RBMS3: variants seen among roughly 807,000 people sequenced by gnomAD.
RBMS3 encodes the protein RNA-binding motif, single-stranded-interacting protein 3.
A neutral mutation model predicts 66.8 loss-of-function variants in RBMS3; 27 were observed. The ratio of observed to expected loss-of-function variants is 0.40; its 90% CI spans 0.30 to 0.56. RBMS3 has a LOEUF of 0.56. RBMS3 is among the 20% of genes least tolerant of loss of function. The pLI, the probability that RBMS3 is intolerant of heterozygous loss-of-function variation, is 0.40. For missense variants in RBMS3, 513 were observed against 549.5 expected, an observed-to-expected ratio of 0.93 and a Z score of 0.66; for synonymous variants, 188 against 183.0, an observed-to-expected ratio of 1.03 and a Z score of -0.22.
At chr3:29,578,501 G>A (rs1397147955) in intron 3 of RBMS3, among the ~76,000 whole-genome samples, 1 of 152,062 alleles carries the variant, frequency 6.6e-6, no homozygotes, top group Non-Finnish European at 1.5e-5. Context: ...CAGTATTTGA[G>A]GATATTTATT....
intron 4 of RBMS3, among the ~76,000 whole-genome samples, chr3:29,621,906 G>C (rs2048879782): frequency 6.6e-6 from 1 of 152,170 alleles, no homozygotes; most frequent in African/African-American, 2.4e-5. Flanking sequence ...GCCTAATCTA[G>C]TCTTCGCTTT....
At chr3:29,660,557 T>C (rs1672681890) in intron 4 of RBMS3, among the ~76,000 whole-genome samples, 1 of 152,174 alleles carries the variant, frequency 6.6e-6, no homozygotes, top group South Asian at 2.1e-4. Context: ...ATTTTGCTAT[T>C]TGATTTCTAT....
chr3:29,541,992 A>C (rs1426757889), intron 3 of RBMS3, among the ~76,000 whole-genome samples: 2 of 151,962 alleles, frequency 1.3e-5, no homozygotes, highest in African/African-American at 4.8e-5. Flanking sequence ...TCCATTTCTC[A>C]CTATCTTTTT....
At chr3:29,522,224 A>G (rs1036703835) in intron 3 of RBMS3, among the ~76,000 whole-genome samples, 3 of 151,832 alleles carry the variant, frequency 2.0e-5, no homozygotes, top group Admixed American at 1.3e-4. Context: ...ACAGAGTCTT[A>G]CTCTGTCACT....
At chr3:29,556,323 G>A (rs1446896211) in intron 3 of RBMS3, 2 of 152,330 alleles carry the variant, frequency 1.3e-5, no homozygotes, top group African/African-American at 4.8e-5. Flanking sequence ...AACAAGGTAA[G>A]CCGGGCGCGG....
At chr3:29,404,120 C>T (rs939675690) in intron 1 of RBMS3, among the ~76,000 whole-genome samples, 1 of 152,056 alleles carries the variant, frequency 6.6e-6, no homozygotes, top group African/African-American at 2.4e-5. Flanking sequence ...CAACCTCTTG[C>T]AGGCTAAAAT....
chr3:29,386,185 T>G (rs11713209), intron 1 of RBMS3, among the ~76,000 whole-genome samples: 61,702 of 151,704 alleles, frequency 0.41, 13,308 homozygotes, highest in Middle Eastern at 0.55. Context: ...AGAAAAACAC[T>G]CTATCCTGCT....
intron 6 of RBMS3, among the ~76,000 whole-genome samples, chr3:29,853,345 A>G (rs759938909): frequency 6.6e-6 from 1 of 150,868 alleles, no homozygotes; most frequent in Admixed American, 6.6e-5. Context: ...ATTGGTAACT[A>G]TGTAATTTTC....
At chr3:29,916,124 A>G (rs1392240064) in intron 10 of RBMS3, among the ~76,000 whole-genome samples, 1 of 152,038 alleles carries the variant, frequency 6.6e-6, no homozygotes, top group African/African-American at 2.4e-5. Context: ...CTGTCCTAGA[A>G]AATGAAATAA....
chr3:29,563,326 G>T (rs2046621933), intron 3 of RBMS3, among the ~76,000 whole-genome samples: 1 of 152,150 alleles, frequency 6.6e-6, no homozygotes, highest in Non-Finnish European at 1.5e-5. Context: ...CTCCTAAATT[G>T]CTTGGATATT....
At chr3:29,475,900 T>C (rs1164293327) in intron 2 of RBMS3, among the ~76,000 whole-genome samples, 3 of 152,150 alleles carry the variant, frequency 2.0e-5, no homozygotes, top group Non-Finnish European at 2.9e-5. Context: ...GGTAAAAAGA[T>C]CTATAAGACA....
chr3:29,904,980 A>T (rs930264142), intron 10 of RBMS3, among the ~76,000 whole-genome samples: 6 of 152,080 alleles, frequency 3.9e-5, no homozygotes, highest in African/African-American at 1.4e-4. Flanking sequence ...TTGACTTTAA[A>T]TTTTAATTGT....
At chr3:29,478,292 C>T (rs2043017190) in intron 2 of RBMS3, among the ~76,000 whole-genome samples, 1 of 152,156 alleles carries the variant, frequency 6.6e-6, no homozygotes, top group African/African-American at 2.4e-5. Context: ...TTTCACAGTG[C>T]TGGAGGCTGA....
intron 14 of RBMS3, among the ~76,000 whole-genome samples, chr3:29,996,037 G>C (rs1375166923): frequency 6.6e-6 from 1 of 152,086 alleles, no homozygotes; most frequent in South Asian, 2.1e-4. Flanking sequence ...CACTTGCAGA[G>C]ACACACATAG....
intron 6 of RBMS3, among the ~76,000 whole-genome samples, chr3:29,798,249 C>T (rs1442291294): frequency 9.1e-6 from 1 of 109,724 alleles, no homozygotes; most frequent in African/African-American, 3.9e-5. Flanking sequence ...GAAGGAAGGA[C>T]AGAAGAAAAG....
chr3:29,347,512 T>C (rs958938434), intron 1 of RBMS3, among the ~76,000 whole-genome samples: 1 of 152,164 alleles, frequency 6.6e-6, no homozygotes, highest in Non-Finnish European at 1.5e-5. Flanking sequence ...ATAATTGAAG[T>C]TATTATCTAT....
chr3:29,285,392 A>G (rs1282894240), intron 1 of RBMS3, among the ~76,000 whole-genome samples: 2 of 151,976 alleles, frequency 1.3e-5, no homozygotes, highest in Non-Finnish European at 2.9e-5. Flanking sequence ...TCTCTCACAT[A>G]TATTTGGAAA....
At chr3:29,553,589 G>A (rs2046246976) in intron 3 of RBMS3, among the ~76,000 whole-genome samples, 2 of 152,032 alleles carry the variant, frequency 1.3e-5, no homozygotes, top group South Asian at 2.1e-4. Flanking sequence ...GACTCATCTG[G>A]CAGCTGACAT....
chr3:29,747,090 G>A (rs1490303193), intron 5 of RBMS3, among the ~76,000 whole-genome samples: 4 of 152,184 alleles, frequency 2.6e-5, no homozygotes, highest in Admixed American at 2.6e-4. Context: ...GGGGACATTG[G>A]AGGCAGCTAG....
Sources: allele counts gnomAD v4.1 joint callset (sites outside exome capture counted in the v4.1 genomes callset), GRCh38; gene constraint gnomAD v4.1.1; transcripts MANE v1.5; gene names NCBI Gene and HGNC (gene_info 2026-07-23, HGNC 2026-07-21).